FCGR3B: variants seen among roughly 807,000 people sequenced by gnomAD.
FCGR3B encodes low affinity immunoglobulin gamma Fc region receptor III-B.
FCGR3B carries 20 observed loss-of-function variants against 26.7 expected under a neutral mutation model. The ratio of observed to expected loss-of-function variants is 0.75; its 90% CI spans 0.53 to 1.09. The LOEUF is 1.09. FCGR3B is among the 50% of genes least tolerant of loss of function. The pLI is 0.00. For synonymous variants in FCGR3B, 79 were observed against 107.0 expected, an observed-to-expected ratio of 0.74 and a Z score of 1.62; for missense variants, 191 against 279.7, an observed-to-expected ratio of 0.68 and a Z score of 2.26.
Position 161,630,301 on chromosome 1 carries a change from A to C in FCGR3B, c.61+67T>G, listed in dbSNP as rs1679673163. 3.3e-6 allele frequency: 5 copies of C among 1,518,396 alleles called. No individual in the cohort carries two copies. In the Admixed American group the frequency reaches 8.5e-5, roughly 26 times the overall value. 94.1% of individuals were successfully genotyped at this position (1,518,396 alleles called of 1,614,324 possible). A position where few individuals can be genotyped will look rare whatever the true frequency, so the allele number is the denominator to read the frequency against. ...TTTCCCATTCAACAAGCATTTCCCA[A>C]TATCTTATGGCCATTGTCCCCATAT... On this transcript the variant is annotated intron_variant, in intron 2 of 4. Transcript: ENST00000650385.
chr1:161,627,843 A>G (rs1679539579), intron 3 of FCGR3B, among the ~76,000 whole-genome samples: 1 of 150,318 alleles, frequency 6.7e-6, no homozygotes, highest in Non-Finnish European at 1.5e-5. Context: ...CTCAGCCTCA[A>G]AGAATCTACA....
chr1:161,628,610 A>C (rs1256717936), intron 3 of FCGR3B, among the ~76,000 whole-genome samples: 1 of 147,074 alleles, frequency 6.8e-6, no homozygotes, highest in Non-Finnish European at 1.5e-5. Flanking sequence ...AGACCATGTC[A>C]GTTGAGTGGT....
chr1:161,623,455 CA>C lies in FCGR3B; in HGVS notation c.*1059del, dbSNP rs1342076202. ...AGTACATTTAGTATTGGTTATACAACATTTGTTTAATAAATGCAATGAACAA... is the reference window on the plus strand; with the variant it reads ...AGTACATTTAGTATTGGTTATACAACTTTGTTTAATAAATGCAATGAACAA... On this transcript the variant is annotated 3_prime_UTR_variant, in exon 5 of 5. Coordinates refer to ENST00000650385, the MANE Select transcript of FCGR3B (RefSeq NM_001244753.2). 1.3e-5 allele frequency: 2 copies of C among 150,386 alleles called. No homozygotes were observed. The highest frequency in any genetic ancestry group is 5.0e-5 in the African/African-American group (2 of 40,346). The allele number at this position is 150,386 out of a possible 1,614,324, so 9.3% of individuals were successfully genotyped here. A position where few individuals can be genotyped will look rare whatever the true frequency, so the allele number is the denominator to read the frequency against.
At position 161,624,387 on chromosome 1, in the gene FCGR3B, G is replaced by A. The variant is rs1679355374; in HGVS notation, c.*128C>T. The stretch of plus-strand genomic sequence containing the variant: ...AGAGAGGCCTGAGGATGATGGGGTT[G>A]CAAATCCAGAGAAATGTTCAGAGAT... On this transcript the variant is annotated 3_prime_UTR_variant, in exon 5 of 5. Coordinates refer to ENST00000650385, the MANE Select transcript of FCGR3B (RefSeq NM_001244753.2). 1 of 1,141,116 alleles carries A rather than the reference G, an allele frequency of 8.8e-7. No individual in the cohort carries two copies. Among genetic ancestry groups the A allele is most frequent in the Non-Finnish European group, 1.3e-6 (1 of 793,084 alleles). The allele number at this position is 1,141,116 out of a possible 1,614,324, so 70.7% of individuals were successfully genotyped here. A position where few individuals can be genotyped will look rare whatever the true frequency, so the allele number is the denominator to read the frequency against.
intron 3 of FCGR3B, among the ~76,000 whole-genome samples, chr1:161,627,930 A>T (rs1400170776): frequency 6.7e-6 from 1 of 150,254 alleles, no homozygotes; most frequent in Admixed American, 6.7e-5. Flanking sequence ...CTAAGAATAA[A>T]GGACTGCGGG....
intron 3 of FCGR3B, among the ~76,000 whole-genome samples, chr1:161,626,751 G>GT (rs572839504): frequency 1.3e-5 from 2 of 149,926 alleles, no homozygotes; most frequent in Non-Finnish European, 3.0e-5. Context: ...AGGATTCACA[G>GT]TAAGTTCTAG....
At position 161,626,134 on chromosome 1, in the gene FCGR3B, A is replaced by C. The variant is rs1679442927; in HGVS notation, c.577+11T>G. 1.9e-6 allele frequency: 3 copies of C among 1,607,072 alleles called. No individual in the cohort carries two copies. Among genetic ancestry groups the C allele is most frequent in the South Asian group, 2.2e-5 (2 of 90,372 alleles). Reference sequence around the variant, plus strand: ...GCGTCCCTGGGCATTCCAGGGTGGCACATGTCTCACCTTGAGTGATGGTGA... The same window carrying C: ...GCGTCCCTGGGCATTCCAGGGTGGCCCATGTCTCACCTTGAGTGATGGTGA... On this transcript the variant is annotated intron_variant, in intron 4 of 4. Coordinates refer to ENST00000650385, the MANE Select transcript of FCGR3B (RefSeq NM_001244753.2).
rs1343286019 is a variant in FCGR3B, at chr1:161,630,919, T to G, written c.40+136A>C. The G allele has an allele frequency of 2.2e-5, 32 of 1,455,064 alleles. 2 individuals carry two copies. The highest frequency in any genetic ancestry group is 2.7e-5 in the Admixed American group (1 of 37,606). The allele number at this position is 1,455,064 out of a possible 1,614,324, so 90.1% of individuals were successfully genotyped here. On this transcript the variant is annotated intron_variant, in intron 1 of 4. Coordinates refer to ENST00000650385, the MANE Select transcript of FCGR3B (RefSeq NM_001244753.2). ...CTAGCCCCATCTTGGCTTGTCCTGG[T>G]AGCTCAATCCACAGCTATAGATGTG...
In FCGR3B at chr1:161,630,408, A is replaced by G; in HGVS notation, c.41-20T>C. On this transcript the variant is annotated intron_variant, in intron 1 of 4. Coordinates refer to ENST00000650385, the MANE Select transcript of FCGR3B (RefSeq NM_001244753.2). ...CTGAAACTGCAAGAAAAAAGAGTAA[A>G]TCAAATATTGAGTAGGGGCAGAGAT... 1.2e-6 allele frequency: 2 copies of G among 1,604,186 alleles called. No homozygotes were observed. The highest frequency in any genetic ancestry group is 1.7e-6 in the Non-Finnish European group (2 of 1,175,458).
At chr1:161,631,432 C>T (rs115692435), upstream of FCGR3B, 737 of 564,854 alleles carry the variant, frequency 1.3e-3, 51 homozygotes, top group African/African-American at 0.013. Flanking sequence ...GCCCCCATCT[C>T]CTGGATTTAG....
At chr1:161,630,987 G>C in intron 1 of FCGR3B, 68 bp downstream of exon 1, 1 of 1,523,552 alleles carries the variant, frequency 6.6e-7, no homozygotes, top group Non-Finnish European at 8.8e-7. Flanking sequence ...TTCGTAGCCT[G>C]AAAAGGGGTG....
At chr1:161,624,999 T>C (rs1237955973) in intron 4 of FCGR3B, among the ~76,000 whole-genome samples, 5 of 138,150 alleles carry the variant, frequency 3.6e-5, no homozygotes, top group Non-Finnish European at 8.1e-5. Context: ...ATTTCAATTT[T>C]TTAAACTCTT....
rs766025210 is a variant in FCGR3B at position 161,631,136 on chromosome 1, G to C, written c.-42C>G. The C allele has an allele frequency of 3.7e-6, 6 of 1,607,732 alleles. 2 individuals carry two copies. In the Admixed American group the frequency reaches 6.7e-5, roughly 18 times the overall value. ...GGACAAGTCACCAAAGATATCCGGAGCCCTAAAGGGACCAAGCCGACTAGA... is the reference window on the plus strand; with the variant it reads ...GGACAAGTCACCAAAGATATCCGGACCCCTAAAGGGACCAAGCCGACTAGA... On this transcript the variant is annotated 5_prime_UTR_variant, in exon 1 of 5. Coordinates refer to ENST00000650385, the MANE Select transcript of FCGR3B (RefSeq NM_001244753.2).
intron 4 of FCGR3B, among the ~76,000 whole-genome samples, chr1:161,625,875 T>C (rs1488081630): frequency 2.0e-5 from 3 of 147,926 alleles, no homozygotes; most frequent in Non-Finnish European, 4.5e-5. Context: ...GAGGTATTTA[T>C]TGGGGAGGAG....
At position 161,629,851 on chromosome 1, in the gene FCGR3B, G is replaced by A. The variant is rs756538325; in HGVS notation, c.246C>T (p.Asn82=). ...TCTGGCACCTGTACTCTCCACTGTC[G>A]TTGACTGTGGCAGCGTCAATGAAGT... ...SSYFIDAATV[N]DSGEYRCQTN... Residue 82 remains asparagine, a synonymous_variant, in exon 3 of 5, where the codon AAC becomes AAT. Coordinates refer to ENST00000650385, the MANE Select transcript of FCGR3B (RefSeq NM_001244753.2). 21 of 1,438,588 alleles carry A rather than the reference G, an allele frequency of 1.5e-5. 2 individuals carry two copies. Among genetic ancestry groups the A allele is most frequent in the Middle Eastern group, 1.8e-4 (1 of 5,484 alleles). 89.1% of individuals were successfully genotyped at this position (1,438,588 alleles called of 1,614,324 possible). A position where few individuals can be genotyped will look rare whatever the true frequency, so the allele number is the denominator to read the frequency against.
At chr1:161,626,859 T>C (rs117463942) in intron 3 of FCGR3B, among the ~76,000 whole-genome samples, 1 of 150,306 alleles carries the variant, frequency 6.7e-6, no homozygotes, top group Non-Finnish European at 1.5e-5. Flanking sequence ...ATTGAAAGAC[T>C]CTTGTGGCCT....
chr1:161,627,154 A>T (rs1293919679), intron 3 of FCGR3B, among the ~76,000 whole-genome samples: 2 of 150,290 alleles, frequency 1.3e-5, no homozygotes, highest in Admixed American at 6.6e-5. Flanking sequence ...AAATGGCCTG[A>T]ATAATTAAAA....
At chr1:161,631,298 G>A, upstream of FCGR3B, 3 of 1,339,476 alleles carry the variant, frequency 2.2e-6, no homozygotes, top group Non-Finnish European at 3.0e-6. Context: ...GGAATAGGAA[G>A]GAAAGAGCCT....
In FCGR3B at chr1:161,626,350, A is replaced by C. The variant is rs1557881829; in HGVS notation, c.372T>G (p.Ile124Met). 4 of 1,608,694 alleles carry C rather than the reference A, an allele frequency of 2.5e-6. No individual in the cohort carries two copies. ...TCTTCCAGCTGTGACACCTCAGGTG[A>C]ATAGGGTCTTCCTCCTTGAACACCC... ...PRWVFKEEDP[I>M]HLRCHSWKNT... Residue 124 changes from isoleucine to methionine, a missense_variant, in exon 4 of 5, where the codon ATT becomes ATG. By Grantham distance (10) the Ile-to-Met change is conservative. This residue lies in a region of FCGR3B where 88 missense variants were observed against 165.2 expected (regional missense o/e 0.53). Coordinates refer to ENST00000650385, the MANE Select transcript of FCGR3B (RefSeq NM_001244753.2).
Sources: allele counts gnomAD v4.1 joint callset (sites outside exome capture counted in the v4.1 genomes callset), GRCh38; gene constraint gnomAD v4.1.1; regional missense constraint gnomAD v4.1.1; transcripts MANE v1.5; gene names NCBI Gene and HGNC (gene_info 2026-07-23, HGNC 2026-07-21).